Variants in SAMD4A observed in about 807,000 individuals in gnomAD.
SAMD4A encodes the protein sterile alpha motif domain containing 4A, also known as protein Smaug homolog 1.
SAMD4A carries 33 observed loss-of-function variants against 81.3 expected under a neutral mutation model. The observed-to-expected ratio is 0.41, with a 90% CI of 0.31 to 0.54. The LOEUF (loss-of-function observed/expected upper bound fraction) is 0.54, where lower values mean the gene tolerates loss of function less well. Among genes scored for constraint, SAMD4A ranks in the 20% least tolerant of loss-of-function variants. SAMD4A has a pLI of 0.37. For synonymous variants in SAMD4A, 389 were observed against 382.1 expected, an observed-to-expected ratio of 1.02 and a Z score of -0.21; for missense variants, 854 against 951.1, an observed-to-expected ratio of 0.90 and a Z score of 1.34.
intron 2 of SAMD4A, among the ~76,000 whole-genome samples, chr14:54,636,848 C>T (rs746455370): frequency 1.3e-5 from 2 of 152,056 alleles, no homozygotes; most frequent in Non-Finnish European, 2.9e-5. Flanking sequence ...TAAGAACATG[C>T]TGAAATTGAG....
At chr14:54,787,872 C>T (rs1401536449) in intron 12 of SAMD4A, among the ~76,000 whole-genome samples, 4 of 152,202 alleles carry the variant, frequency 2.6e-5, no homozygotes, top group Admixed American at 1.3e-4. Context: ...CTTATAATTC[C>T]CCAACTACCT....
chr14:54,762,761 C>T (rs987530479), intron 7 of SAMD4A, among the ~76,000 whole-genome samples: 16 of 152,202 alleles, frequency 1.1e-4, no homozygotes, highest in African/African-American at 2.9e-4. Flanking sequence ...CCCCCAACCC[C>T]AAACCCTGCC....
chr14:54,581,249 T>A lies in SAMD4A; in HGVS notation c.196+13137T>A, dbSNP rs147787920. 2.7e-3 allele frequency among the ~76,000 whole-genome samples: 419 copies of A among 152,382 alleles called. 2 individuals are homozygous for A. Among genetic ancestry groups the A allele is most frequent in the African/African-American group, 9.6e-3 (398 of 41,598 alleles). The stretch of plus-strand genomic sequence containing the variant: ...ATTATACAAAAGCAGAGCGACATTA[T>A]TCTCAAAGTACCAGTTGAAACAATG... On this transcript the variant is annotated intron_variant, in intron 2 of 12. Transcript: ENST00000554335.
chr14:54,717,452 AAAAAG>A (rs1452085742), intron 3 of SAMD4A, among the ~76,000 whole-genome samples: 2 of 151,996 alleles, frequency 1.3e-5, no homozygotes, highest in African/African-American at 2.4e-5. Flanking sequence ...AAAAAAAAAA[AAAAAG>A]AAAGAAATTT....
chr14:54,709,089 C>T (rs1342842939), intron 3 of SAMD4A, among the ~76,000 whole-genome samples: 1 of 152,096 alleles, frequency 6.6e-6, no homozygotes, highest in Non-Finnish European at 1.5e-5. Context: ...CCAGCCTGGG[C>T]AACGTGGTGA....
chr14:54,700,992 A>ATTTTTTTTTTTTTT (rs1555344776), intron 2 of SAMD4A: 2 of 121,654 alleles, frequency 1.6e-5, no homozygotes. Flanking sequence ...TGAAACGGTG[A>ATTTTTTTTTTTTTT]ATTTTTTTTT....
intron 12 of SAMD4A, among the ~76,000 whole-genome samples, chr14:54,786,733 TATC>T (rs1282915788): frequency 2.0e-5 from 3 of 152,236 alleles, no homozygotes; most frequent in African/African-American, 7.2e-5. Context: ...GTACCAACAT[TATC>T]ATCATTAGCA....
chr14:54,696,467 C>T (rs1311897984), intron 2 of SAMD4A, among the ~76,000 whole-genome samples: 3 of 152,234 alleles, frequency 2.0e-5, no homozygotes, highest in African/African-American at 7.2e-5. Flanking sequence ...TCTGTGTGTG[C>T]ATTTAATTCC....
intron 2 of SAMD4A, among the ~76,000 whole-genome samples, chr14:54,682,644 T>C (rs368133174): frequency 6.6e-6 from 1 of 152,200 alleles, no homozygotes; most frequent in Non-Finnish European, 1.5e-5. Context: ...TCTGAGCACA[T>C]AATCAAGTCT....
Position 54,760,498 on chromosome 14 carries a change from G to C in SAMD4A, c.1510+4G>C. 7.2e-7 allele frequency: 1 copy of C among 1,389,966 alleles called. No individual in the cohort carries two copies. Among genetic ancestry groups the C allele is most frequent in the Non-Finnish European group, 9.3e-7 (1 of 1,080,152 alleles). The allele number at this position is 1,389,966 out of a possible 1,614,324, so 86.1% of individuals were successfully genotyped here. On this transcript the variant is annotated splice_donor_region_variant and intron_variant, in intron 7 of 12. Transcript: ENST00000554335. ...TTCACACGCGTCATGGGGAAAGGTAGAGCCTCATTCGCCCATTTCTTTTTT... is the reference window on the plus strand; with the variant it reads ...TTCACACGCGTCATGGGGAAAGGTACAGCCTCATTCGCCCATTTCTTTTTT...
intron 2 of SAMD4A, among the ~76,000 whole-genome samples, chr14:54,696,338 A>C (rs1485423660): frequency 6.6e-6 from 1 of 152,204 alleles, no homozygotes; most frequent in Non-Finnish European, 1.5e-5. Context: ...TATATTTAGA[A>C]GCTTTTAGTA....
intron 2 of SAMD4A, among the ~76,000 whole-genome samples, chr14:54,655,101 T>G (rs1401572916): frequency 6.6e-6 from 1 of 152,224 alleles, no homozygotes; most frequent in Non-Finnish European, 1.5e-5. Flanking sequence ...ATGTATTTTA[T>G]GGATGACCTG....
chr14:54,754,627 G>A (rs911612), intron 6 of SAMD4A, among the ~76,000 whole-genome samples: 151,572 of 152,312 alleles, frequency 1, 75,426 homozygotes, highest in Non-Finnish European at 1. Flanking sequence ...TGACGGCACC[G>A]GTGGCAGACT....
intron 3 of SAMD4A, among the ~76,000 whole-genome samples, chr14:54,707,291 A>G (rs1199093190): frequency 6.6e-6 from 1 of 151,776 alleles, no homozygotes; most frequent in Non-Finnish European, 1.5e-5. Context: ...TTTTGTGGAG[A>G]CAGGGTCTCC....
chr14:54,590,484 C>G (rs2033745311), intron 2 of SAMD4A, among the ~76,000 whole-genome samples: 1 of 152,132 alleles, frequency 6.6e-6, no homozygotes, highest in South Asian at 2.1e-4. Flanking sequence ...GAGTGAGGCC[C>G]TGTCTCAAAA....
chr14:54,565,703 G>A (rs1594668213), upstream of SAMD4A, among the ~76,000 whole-genome samples: 3 of 152,208 alleles, frequency 2.0e-5, no homozygotes, highest in South Asian at 6.2e-4. This position sits in a 1 kb window ranked among gnomAD's most constrained non-coding sequence, Gnocchi z 5.4. Flanking sequence ...CAAGCAGCGG[G>A]TGGCAGCACC....
intron 2 of SAMD4A, among the ~76,000 whole-genome samples, chr14:54,642,927 C>A (rs35480916): frequency 0.027 from 4,177 of 152,206 alleles, 71 homozygotes; most frequent in Middle Eastern, 0.048. Context: ...CAGCAGTGAG[C>A]CCAATATGTG....
At chr14:54,779,697 T>TC (rs2038952927) in intron 11 of SAMD4A, among the ~76,000 whole-genome samples, 1 of 140,534 alleles carries the variant, frequency 7.1e-6, no homozygotes, top group African/African-American at 2.6e-5. Flanking sequence ...TTTTTTTTTT[T>TC]CGAGACGGAG....
intron 2 of SAMD4A, among the ~76,000 whole-genome samples, chr14:54,604,014 G>A (rs763039629): frequency 3.3e-5 from 5 of 152,100 alleles, no homozygotes; most frequent in African/African-American, 9.6e-5. Flanking sequence ...TAGTAGAGAC[G>A]GGGTTTCTCC....
Sources: gnomAD v4.1 joint callset for allele counts (sites outside exome capture counted in the v4.1 genomes callset) on GRCh38, gnomAD v4.1.1 for gene constraint, Gnocchi (gnomAD v3.1) non-coding constraint, MANE v1.5 for transcripts, NCBI Gene and HGNC (gene_info 2026-07-23, HGNC 2026-07-21) for gene names.